Variants in ZNF48 observed in about 807,000 individuals in gnomAD.
ZNF48 encodes zinc finger protein 553.
In ZNF48, 20 loss-of-function variants were observed where a neutral mutation model predicts 40.0. That is an observed-to-expected ratio of 0.50 (90% CI 0.35 to 0.73). ZNF48 has a LOEUF of 0.73. Ranked by LOEUF, ZNF48 falls within the 30% of genes least tolerant of loss-of-function variation. ZNF48 has a pLI of 0.01. For missense variants in ZNF48, 726 were observed against 851.9 expected, an observed-to-expected ratio of 0.85 and a Z score of 1.84; for synonymous variants, 298 against 329.7, an observed-to-expected ratio of 0.90 and a Z score of 1.04.
intron 1 of ZNF48, among the ~76,000 whole-genome samples, chr16:30,386,645 G>T (rs1012595943): frequency 7.2e-5 from 11 of 152,078 alleles, no homozygotes; most frequent in African/African-American, 2.4e-5. Context: ...TTTTTAATGT[G>T]ATATCACCAT....
At chr16:30,378,335 C>T in exon 1 of ZNF48, 1 of 1,194,842 alleles carries the variant, frequency 8.4e-7, no homozygotes. Context: ...GGGCGGCACC[C>T]GCGGAGGTCC....
rs762204102 is a variant in ZNF48, at chr16:30,398,407, ACTT to A, written c.1159_1161del (p.Phe387del). The A allele has an allele frequency of 1.2e-6, 2 of 1,609,504 alleles. No homozygotes were observed. Among genetic ancestry groups the A allele is most frequent in the Non-Finnish European group, 1.7e-6 (2 of 1,176,872 alleles). ...CGCCTCACTCACATGGAGCCCCAGG[ACTT>A]CAGCTTCCCAGGCTATCCCCTACCC... On this transcript the variant is annotated inframe_deletion, in exon 3 of 3. Coordinates refer to ENST00000613509, the MANE Select transcript of ZNF48 (RefSeq NM_001214909.2). The surrounding 1 kb of genome is among the most constrained non-coding windows in gnomAD (Gnocchi z 6.6).
upstream of ZNF48, among the ~76,000 whole-genome samples, chr16:30,393,080 T>A (rs1197692740): frequency 6.7e-6 from 1 of 149,900 alleles, no homozygotes; most frequent in Non-Finnish European, 1.5e-5. Flanking sequence ...ATATAACTCT[T>A]TTTTTTTTTT....
At position 30,382,397 on chromosome 16, in the gene ZNF48, T is replaced by C. The variant is rs764728739; in HGVS notation, c.-16+3987T>C. ...ATGGGGGTGGACAATATGAGGCTGC[T>C]GGCAATGGCAGGCAGGGTCCCCAGG... On this transcript the variant is annotated intron_variant, in intron 1 of 2. Coordinates refer to the ZNF48 transcript ENST00000528032. The surrounding 1 kb of genome is among the most constrained non-coding windows in gnomAD (Gnocchi z 4.8). 1 of 1,584,538 alleles carries C rather than the reference T, an allele frequency of 6.3e-7. No individual in the cohort carries two copies. The highest frequency in any genetic ancestry group is 2.2e-5 in the East Asian group (1 of 44,590).
rs200190369 is a variant in ZNF48 at position 30,397,801 on chromosome 16, G to A, written c.551G>A (p.Arg184Gln). The change falls in exon 3 of 3, where the codon CGG becomes CAG. Residue 184 changes from arginine (R) to glutamine (Q), a missense_variant. By Grantham distance (43) the Arg-to-Gln change is conservative. Transcript: ENST00000613509. The surrounding 1 kb of genome is among the most constrained non-coding windows in gnomAD (Gnocchi z 4.1). Reference sequence around the variant, plus strand: ...GGTCCCCCAAAGATTCCTCGGTCCCGGATCCCTGCTGGTGAGCGCCCCACT... The same window carrying A: ...GGTCCCCCAAAGATTCCTCGGTCCCAGATCCCTGCTGGTGAGCGCCCCACT... The part of the protein sequence containing the change: ...AQGPPKIPRS[R>Q]IPAGERPTIC... 7.4e-6 allele frequency: 12 copies of A among 1,613,582 alleles called. No homozygotes were observed. Among genetic ancestry groups the A allele is most frequent in the Middle Eastern group, 1.6e-4 (1 of 6,062 alleles).
chr16:30,398,129 C>T lies in ZNF48; in HGVS notation c.879C>T (p.His293=). 1 of 1,613,668 alleles carries T rather than the reference C, an allele frequency of 6.2e-7. No individual in the cohort carries two copies. The highest frequency in any genetic ancestry group is 1.3e-5 in the African/African-American group (1 of 75,050). ...TGCTCAGCTGCAGCCTCCTGAGTCACCAGCGTAGTCACTTGGGGCCCAAGC... is the reference window on the plus strand; with the variant it reads ...TGCTCAGCTGCAGCCTCCTGAGTCATCAGCGTAGTCACTTGGGGCCCAAGC... ...RFVLSCSLLS[H]QRSHLGPKPF... is the part of the protein sequence containing the mutation. Residue 293 remains histidine, a synonymous_variant, in exon 3 of 3, where the codon CAC becomes CAT. Transcript: ENST00000613509. The surrounding 1 kb of genome is among the most constrained non-coding windows in gnomAD (Gnocchi z 6.6).
In ZNF48 at chr16:30,382,894, A is replaced by G; in HGVS notation, c.-16+4484A>G. The G allele has an allele frequency of 9.4e-7, 1 of 1,066,136 alleles. No homozygotes were observed. The highest frequency in any genetic ancestry group is 1.3e-5 in the South Asian group (1 of 74,408). The allele number at this position is 1,066,136 out of a possible 1,614,324, so 66.0% of individuals were successfully genotyped here. ...AGCTGATTAGAAAACAGTTCCCAGGACGGGCAAGGTGGCTCTCGCCTGTAA... is the reference window on the plus strand; with the variant it reads ...AGCTGATTAGAAAACAGTTCCCAGGGCGGGCAAGGTGGCTCTCGCCTGTAA... On this transcript the variant is annotated intron_variant, in intron 1 of 2. Coordinates refer to the ZNF48 transcript ENST00000528032. This position sits in a 1 kb window ranked among gnomAD's most constrained non-coding sequence, Gnocchi z 4.8.
chr16:30,382,792 C>T lies in ZNF48; in HGVS notation c.-16+4382C>T, dbSNP rs978783249. ...CCAAGTCCCACTGTAGCTCCATCAT[C>T]GTGGTGAGACATGGGGTATGTGCAG... is the stretch of plus-strand genomic sequence containing the variant. On this transcript the variant is annotated intron_variant, in intron 1 of 2. Coordinates refer to the ZNF48 transcript ENST00000528032. This position sits in a 1 kb window ranked among gnomAD's most constrained non-coding sequence, Gnocchi z 4.8. 24 of 1,535,500 alleles carry T rather than the reference C, an allele frequency of 1.6e-5. No homozygotes were observed. The highest frequency in any genetic ancestry group is 7.1e-5 in the South Asian group (6 of 84,062).
chr16:30,398,672 A>T lies in ZNF48; in HGVS notation c.1422A>T (p.Thr474=), dbSNP rs769534439. ...TGGTGAAACACCATCGTGTGCACAC[A>T]GGGGAGAAACCCTACCTCTGTCCTG... ...SDLVKHHRVH[T]GEKPYLCPEC... is the part of the protein sequence containing the mutation. The change falls in exon 3 of 3, where the codon ACA becomes ACT. Residue 474 remains threonine, a synonymous_variant. Transcript: ENST00000613509. The surrounding 1 kb of genome is among the most constrained non-coding windows in gnomAD (Gnocchi z 6.6). 3 of 1,611,938 alleles carry T rather than the reference A, an allele frequency of 1.9e-6. No individual in the cohort carries two copies. Among genetic ancestry groups the T allele is most frequent in the Non-Finnish European group, 2.5e-6 (3 of 1,179,298 alleles).
At chr16:30,392,479 C>A (rs2049950593), upstream of ZNF48, among the ~76,000 whole-genome samples, 1 of 152,126 alleles carries the variant, frequency 6.6e-6, no homozygotes, top group Non-Finnish European at 1.5e-5. Flanking sequence ...TAGTATGTGG[C>A]CCACTGTTTA....
rs1181508594 is a variant in ZNF48, at chr16:30,398,019, C to A, written c.769C>A (p.Pro257Thr). Residue 257 changes from proline to threonine, a missense_variant, in exon 3 of 3, where the codon CCA becomes ACA. By Grantham distance (38) the Pro-to-Thr change is conservative. This residue lies in a region of ZNF48 where 378 missense variants were observed against 449.1 expected (regional missense o/e 0.84). Transcript: ENST00000613509. This position sits in a 1 kb window ranked among gnomAD's most constrained non-coding sequence, Gnocchi z 6.6. ...PPRPVVPRRQ[P>T]SRAATAATQG... ...CCGACCAGTGGTGCCCCGACGGCAG[C>A]CATCTCGGGCAGCCACGGCAGCTAC... The A allele has an allele frequency of 6.2e-7, 1 of 1,612,420 alleles. No homozygotes were observed. Among genetic ancestry groups the A allele is most frequent in the African/African-American group, 1.3e-5 (1 of 74,930 alleles).
chr16:30,380,850 G>C, intron 1 of ZNF48: 4 of 489,764 alleles, frequency 8.2e-6, no homozygotes, highest in Non-Finnish European at 1.5e-5. Context: ...CACGGGGTGG[G>C]GGCCAGAGGG....
chr16:30,379,502 G>C, intron 1 of ZNF48: 4 of 1,613,782 alleles, frequency 2.5e-6, no homozygotes, highest in African/African-American at 1.3e-5. Flanking sequence ...TCACCACCTC[G>C]CATGATCCCA....
chr16:30,392,169 C>G (rs944643569), upstream of ZNF48, among the ~76,000 whole-genome samples: 1 of 152,168 alleles, frequency 6.6e-6, no homozygotes, highest in African/African-American at 2.4e-5. Flanking sequence ...ACTACAGGCG[C>G]CTGCCACCAC....
intron 2 of ZNF48, among the ~76,000 whole-genome samples, chr16:30,396,688 CTTTTT>C (rs1167683501): frequency 0.011 from 1,272 of 112,052 alleles, 22 homozygotes; most frequent in African/African-American, 0.045. Flanking sequence ...CGCTTTGCTA[CTTTTT>C]TTTTTTTTTT....
intron 1 of ZNF48, among the ~76,000 whole-genome samples, chr16:30,389,196 A>G (rs1478511794): frequency 6.6e-6 from 1 of 151,456 alleles, no homozygotes; most frequent in African/African-American, 2.4e-5. Flanking sequence ...GATCGAGATC[A>G]TCCTGGCTGA....
In ZNF48 at chr16:30,395,786, G is replaced by C; in HGVS notation, c.-9G>C. The C allele has an allele frequency of 6.5e-7, 1 of 1,536,918 alleles. No individual in the cohort carries two copies. The highest frequency in any genetic ancestry group is 8.7e-7 in the Non-Finnish European group (1 of 1,144,392). On this transcript the variant is annotated 5_prime_UTR_variant, in exon 2 of 3. Coordinates refer to ENST00000613509, the MANE Select transcript of ZNF48 (RefSeq NM_001214909.2). The surrounding 1 kb of genome is among the most constrained non-coding windows in gnomAD (Gnocchi z 5.9). ...TGTCTGTCCCCTTGCTCAGGGCGGC[G>C]TGCCGGCGATGGAGCGCGCGGTAGA...
At chr16:30,391,381 G>T (rs1450697235), upstream of ZNF48, among the ~76,000 whole-genome samples, 3 of 151,090 alleles carry the variant, frequency 2.0e-5, no homozygotes, top group Non-Finnish European at 1.5e-5. Context: ...GTAGAGACAG[G>T]TTTTCACCAT....
In ZNF48 at chr16:30,382,965, G is replaced by C; in HGVS notation, c.-16+4555G>C. ...GAGGAGGGAGGACAGCTTGAGCCAAGGAGTTCCAGACCAGCCTGGGCAACA... is the reference window on the plus strand; with the variant it reads ...GAGGAGGGAGGACAGCTTGAGCCAACGAGTTCCAGACCAGCCTGGGCAACA... On this transcript the variant is annotated intron_variant, in intron 1 of 2. Coordinates refer to the ZNF48 transcript ENST00000528032. This position sits in a 1 kb window ranked among gnomAD's most constrained non-coding sequence, Gnocchi z 4.8. 4.6e-6 allele frequency: 3 copies of C among 647,566 alleles called. No individual in the cohort carries two copies. The highest frequency in any genetic ancestry group is 8.4e-6 in the Non-Finnish European group (3 of 359,014). The allele number at this position is 647,566 out of a possible 1,614,324, so 40.1% of individuals were successfully genotyped here. A position where few individuals can be genotyped will look rare whatever the true frequency, so the allele number is the denominator to read the frequency against.
Sources: gnomAD v4.1 joint callset for allele counts (sites outside exome capture counted in the v4.1 genomes callset) on GRCh38, gnomAD v4.1.1 for gene constraint, gnomAD v4.1.1 regional missense constraint, Gnocchi (gnomAD v3.1) non-coding constraint, MANE v1.5 for transcripts, NCBI Gene and HGNC (gene_info 2026-07-23, HGNC 2026-07-21) for gene names.